The following MTHFD2L variants were observed in gnomAD, a reference collection of about 807,000 sequenced individuals.
MTHFD2L encodes methylenetetrahydrofolate dehydrogenase (NADP+ dependent) 2 like.
A neutral mutation model predicts 34.9 loss-of-function variants in MTHFD2L; 29 were observed. The ratio of observed to expected loss-of-function variants is 0.83; its 90% CI spans 0.62 to 1.13. The LOEUF (loss-of-function observed/expected upper bound fraction) is 1.13. Among genes scored for constraint, MTHFD2L ranks in the 50% most tolerant of loss-of-function variants. The pLI, the probability that MTHFD2L is intolerant of heterozygous loss-of-function variation, is 0.00. For missense variants in MTHFD2L, 481 were observed against 446.5 expected, an observed-to-expected ratio of 1.08 and a Z score of -0.70; for synonymous variants, 167 against 155.7, an observed-to-expected ratio of 1.07 and a Z score of -0.54.
At chr4:74,254,860 C>A (rs554355285) in intron 6 of MTHFD2L, among the ~76,000 whole-genome samples, 1 of 151,906 alleles carries the variant, frequency 6.6e-6, no homozygotes, top group Non-Finnish European at 1.5e-5. Flanking sequence ...ATTGGCTGGG[C>A]GCAGTGGCTC....
intron 3 of MTHFD2L, among the ~76,000 whole-genome samples, chr4:74,185,208 T>G (rs984670087): frequency 4.1e-5 from 4 of 98,420 alleles, no homozygotes; most frequent in Admixed American, 3.6e-4. Context: ...ATTTGAAAAG[T>G]AAATAGCATA....
intron 1 of MTHFD2L, among the ~76,000 whole-genome samples, chr4:74,152,516 T>C (rs1724002648): frequency 6.7e-6 from 1 of 148,798 alleles, no homozygotes; most frequent in Non-Finnish European, 1.5e-5. Flanking sequence ...AGCACAATAC[T>C]TTTTTTTTTA....
chr4:74,265,323 C>G (rs1256756578), intron 6 of MTHFD2L, among the ~76,000 whole-genome samples: 2 of 152,158 alleles, frequency 1.3e-5, no homozygotes, highest in Non-Finnish European at 2.9e-5. Flanking sequence ...CCACACGTGT[C>G]TCATCCTTAT....
chr4:74,199,605 C>T (rs1377183358), intron 3 of MTHFD2L, among the ~76,000 whole-genome samples, 189 bp from the exon 4 acceptor site: 1 of 151,976 alleles, frequency 6.6e-6, no homozygotes, highest in Non-Finnish European at 1.5e-5. Flanking sequence ...CAGTTCATTA[C>T]AGCCATCAGT....
chr4:74,250,339 G>T lies in MTHFD2L; in HGVS notation c.805+24945G>T, dbSNP rs1343137643. On this transcript the variant is annotated intron_variant, in intron 6 of 7. Transcript: ENST00000325278. ...TCTCTGTTTAAATGGTAGATGTGTAGAGAGGCCTATTTAAAAATAGCAGTC... is the reference window on the plus strand; with the variant it reads ...TCTCTGTTTAAATGGTAGATGTGTATAGAGGCCTATTTAAAAATAGCAGTC... Among the ~76,000 whole-genome samples, 3 of 152,100 alleles carry T rather than the reference G, an allele frequency of 2.0e-5. No individual in the cohort carries two copies. In the East Asian group the frequency reaches 5.8e-4, roughly 29 times the overall value.
chr4:74,140,077 A>T (rs772760287), intron 1 of MTHFD2L, among the ~76,000 whole-genome samples: 2 of 152,134 alleles, frequency 1.3e-5, no homozygotes, highest in Admixed American at 6.6e-5. Flanking sequence ...ACACTTTAGG[A>T]GGCCCAGGTG....
At chr4:74,208,907 T>A (rs1211524915) in intron 5 of MTHFD2L, among the ~76,000 whole-genome samples, 1 of 152,120 alleles carries the variant, frequency 6.6e-6, no homozygotes, top group Non-Finnish European at 1.5e-5. Flanking sequence ...CAATCTTAAC[T>A]GCTTGCTGCT....
chr4:74,279,005 C>T (rs531540482), intron 6 of MTHFD2L, among the ~76,000 whole-genome samples: 1 of 152,128 alleles, frequency 6.6e-6, no homozygotes, highest in African/African-American at 2.4e-5. Flanking sequence ...TTCATCTAAC[C>T]TACATTTTTC....
chr4:74,236,684 T>A (rs749793191), intron 6 of MTHFD2L, among the ~76,000 whole-genome samples: 19 of 152,272 alleles, frequency 1.2e-4, no homozygotes, highest in Non-Finnish European at 2.6e-4. Context: ...TTCACATATC[T>A]AATAGAGAGT....
intron 7 of MTHFD2L, among the ~76,000 whole-genome samples, chr4:74,291,122 A>G (rs1168942753): frequency 3.6e-5 from 5 of 140,626 alleles, no homozygotes; most frequent in South Asian, 2.2e-4. Context: ...GGTTCAAGCA[A>G]TTCTCCTGCC....
At chr4:74,209,450 T>C (rs1238321508) in intron 5 of MTHFD2L, among the ~76,000 whole-genome samples, 2 of 152,220 alleles carry the variant, frequency 1.3e-5, no homozygotes, top group African/African-American at 4.8e-5. Flanking sequence ...TGGTGTTTGG[T>C]TTTCCGTTCC....
chr4:74,127,696 T>C (rs1373985979), intron 1 of MTHFD2L, among the ~76,000 whole-genome samples: 1 of 152,160 alleles, frequency 6.6e-6, no homozygotes, highest in East Asian at 1.9e-4. Context: ...TTGTGAATAG[T>C]GCTGCAATAA....
At chr4:74,191,220 CTT>C (rs1732421021) in intron 3 of MTHFD2L, among the ~76,000 whole-genome samples, 1 of 152,078 alleles carries the variant, frequency 6.6e-6, no homozygotes, top group Non-Finnish European at 1.5e-5. Context: ...CTGGTCCTCA[CTT>C]ATATATTCTA....
chr4:74,211,974 G>A (rs1736402556), intron 5 of MTHFD2L, among the ~76,000 whole-genome samples: 1 of 152,102 alleles, frequency 6.6e-6, no homozygotes, highest in African/African-American at 2.4e-5. Flanking sequence ...TATTTGTGTA[G>A]AGGTGTTTAT....
chr4:74,171,213 G>A (rs1727907420), intron 1 of MTHFD2L, among the ~76,000 whole-genome samples: 1 of 152,078 alleles, frequency 6.6e-6, no homozygotes. Flanking sequence ...CACTAAAGAA[G>A]ATCACAGATG....
chr4:74,263,087 CTA>C (rs982732069), intron 6 of MTHFD2L, among the ~76,000 whole-genome samples: 1 of 151,334 alleles, frequency 6.6e-6, no homozygotes. Flanking sequence ...AAATGTAATC[CTA>C]TATATATATG....
At chr4:74,118,770 G>C (rs1721699080), upstream of MTHFD2L, among the ~76,000 whole-genome samples, 2 of 152,162 alleles carry the variant, frequency 1.3e-5, no homozygotes, top group African/African-American at 4.8e-5. Flanking sequence ...CAAAGGCAAG[G>C]GAGCAAAGCT....
At chr4:74,281,674 T>C (rs1462224071) in intron 7 of MTHFD2L, 124 bp downstream of exon 7, 4 of 959,642 alleles carry the variant, frequency 4.2e-6, no homozygotes, top group Non-Finnish European at 4.5e-6. Flanking sequence ...CTCTTTCTTC[T>C]GAGGGAAAAG....
chr4:74,177,477 A>G (rs1428895446), intron 3 of MTHFD2L, among the ~76,000 whole-genome samples: 2 of 152,030 alleles, frequency 1.3e-5, no homozygotes, highest in South Asian at 2.1e-4. Flanking sequence ...TTAAGAGAAG[A>G]CATACAAATG....
Sources: allele counts gnomAD v4.1 joint callset (sites outside exome capture counted in the v4.1 genomes callset), GRCh38; gene constraint gnomAD v4.1.1; transcripts MANE v1.5; gene names NCBI Gene and HGNC (gene_info 2026-07-23, HGNC 2026-07-21).